Variants in DNAH5 observed in about 807,000 individuals in gnomAD.
DNAH5 encodes dynein axonemal heavy chain 5.
Under a neutral mutation model 518.2 loss-of-function variants are expected in DNAH5, and 372 were observed. The observed-to-expected ratio is 0.72, with a 90% CI of 0.66 to 0.78. DNAH5 has a LOEUF of 0.78. DNAH5 is among the 30% of genes least tolerant of loss of function. The pLI is 0.00. For synonymous variants in DNAH5, 2,039 were observed against 2,025.9 expected, an observed-to-expected ratio of 1.01 and a Z score of -0.17; for missense variants, 5,523 against 5,687.0, an observed-to-expected ratio of 0.97 and a Z score of 0.93.
chr5:13,737,199 T>C, intron 66 of DNAH5, 53 bp downstream of exon 66: 1 of 1,610,716 alleles, frequency 6.2e-7, no homozygotes, highest in Non-Finnish European at 8.5e-7. Context: ...CTAATTCTCA[T>C]TCCTCTCTCA....
At chr5:13,906,425 AAAAAGTCATTTTT>A (rs1775305638) in intron 12 of DNAH5, among the ~76,000 whole-genome samples, 1 of 152,186 alleles carries the variant, frequency 6.6e-6, no homozygotes, top group African/African-American at 2.4e-5. Flanking sequence ...ACTTCTCTTT[AAAAAGTCATTTTT>A]AAAAAATATT....
At chr5:13,849,086 G>A (rs567134985) in intron 31 of DNAH5, among the ~76,000 whole-genome samples, 2 of 152,302 alleles carry the variant, frequency 1.3e-5, no homozygotes, top group East Asian at 3.9e-4. Context: ...AAGTTTTAGG[G>A]TACATGTGCA....
chr5:13,820,442 A>G lies in DNAH5; in HGVS notation c.6745T>C (p.Phe2249Leu). The change falls in exon 41 of 79, where the codon TTC (phenylalanine) becomes CTC (leucine). Residue 2249 changes from phenylalanine to leucine, a missense_variant. Around this residue, in one of 3 missense-constraint regions of DNAH5, gnomAD observed 5,121 missense variants for 5,223.3 expected, o/e 0.98. Coordinates refer to ENST00000265104, the MANE Select transcript of DNAH5 (RefSeq NM_001369.3). ...CCATGTCGCACTCTCTGCGTTTCGA[A>G]TAGCTGGATGACCTTCAGTTTCCAA... ...PPWKLKVIQL[F>L]ETQRVRHGMM... 6.2e-7 allele frequency: 1 copy of G among 1,614,116 alleles called. No homozygotes were observed. Among genetic ancestry groups the G allele is most frequent in the Non-Finnish European group, 8.5e-7 (1 of 1,180,022 alleles).
chr5:13,856,225 G>C (rs1047073168), intron 30 of DNAH5, among the ~76,000 whole-genome samples: 1 of 152,092 alleles, frequency 6.6e-6, no homozygotes, highest in African/African-American at 2.4e-5. Context: ...TTTTTGAAAA[G>C]ATCAACAAAA....
chr5:13,977,773 G>A lies in DNAH5; in HGVS notation c.12+33875C>T, dbSNP rs535902456. Among the ~76,000 whole-genome samples, 3 of 152,324 alleles carry A rather than the reference G, an allele frequency of 2.0e-5. No individual in the cohort carries two copies. In the South Asian group the frequency reaches 6.2e-4, roughly 32 times the overall value. ...TACCTGGACACATCTGGACATGAGA[G>A]ATGAGCAGGGGAAGTCCTTGGTGGG... On this transcript the variant is annotated intron_variant, in intron 1 of 78. Coordinates refer to the DNAH5 transcript ENST00000681290.
At chr5:13,995,640 A>AT (rs1166423285) in intron 1 of DNAH5, among the ~76,000 whole-genome samples, 1 of 152,228 alleles carries the variant, frequency 6.6e-6, no homozygotes, top group Admixed American at 6.5e-5. Flanking sequence ...TTAAAAAAAA[A>AT]GTAGCAAAAT....
chr5:13,890,904 T>C (rs930468573), intron 17 of DNAH5, 72 bp downstream of exon 17: 2 of 1,575,108 alleles, frequency 1.3e-6, no homozygotes, highest in African/African-American at 2.7e-5. Context: ...ACTTATAACT[T>C]CAAAAAAGTG....
chr5:13,997,965 T>G (rs1784076626), intron 1 of DNAH5, among the ~76,000 whole-genome samples: 1 of 151,908 alleles, frequency 6.6e-6, no homozygotes, highest in Admixed American at 6.6e-5. Flanking sequence ...TGCCTCAGCC[T>G]CCCATGTAGC....
intron 55 of DNAH5, among the ~76,000 whole-genome samples, chr5:13,772,182 G>A (rs868643632): frequency 2.2e-4 from 33 of 152,082 alleles, no homozygotes; most frequent in African/African-American, 6.0e-4. Context: ...CAATGGCTGC[G>A]ATGTCTACCA....
chr5:13,810,170 C>T lies in DNAH5; in HGVS notation c.7498G>A (p.Gly2500Arg), dbSNP rs1273820025. 7.1e-6 allele frequency: 11 copies of T among 1,548,378 alleles called. No individual in the cohort carries two copies. Among genetic ancestry groups the T allele is most frequent in the East Asian group, 2.4e-5 (1 of 40,832 alleles). The change falls in exon 45 of 79, where the codon GGA becomes AGA. Residue 2500 changes from glycine (G) to arginine (R), a missense_variant. Gly to Arg is a moderately radical substitution (Grantham distance 125). Around this residue, in one of 3 missense-constraint regions of DNAH5, gnomAD observed 5,121 missense variants for 5,223.3 expected, o/e 0.98. Transcript: ENST00000265104. ...WSAGAALELD[G>R]RRRLELWLRS... ...AGCCAGAGCTCCAGGCGGCGCCGTC[C>T]GTCCAGCTCCAGCGCCGCCCCCGCG...
chr5:13,766,094 A>G lies in DNAH5; in HGVS notation c.9983T>C (p.Leu3328Pro). ...LIMRIMDCVLLLFQRKVSAVK... is the reference protein window; with the variant it reads ...LIMRIMDCVLPLFQRKVSAVK... Reference sequence around the variant, plus strand: ...AGCACTGACTTTCCTTTGAAACAGCAGCAGTACGCAATCCATGATCCGCAT... The same window carrying G: ...AGCACTGACTTTCCTTTGAAACAGCGGCAGTACGCAATCCATGATCCGCAT... Residue 3328 changes from leucine (L) to proline (P), a missense_variant, in exon 59 of 79, where the codon CTG (leucine) becomes CCG (proline). This residue lies in a region of DNAH5 where 5,121 missense variants were observed against 5,223.3 expected (regional missense o/e 0.98). Coordinates refer to ENST00000265104, the MANE Select transcript of DNAH5 (RefSeq NM_001369.3). The G allele has an allele frequency of 2.5e-6, 4 of 1,614,208 alleles. No individual in the cohort carries two copies. The highest frequency in any genetic ancestry group is 2.5e-6 in the Non-Finnish European group (3 of 1,180,016).
chr5:13,985,912 C>A (rs1034698624), intron 1 of DNAH5, among the ~76,000 whole-genome samples: 3 of 152,204 alleles, frequency 2.0e-5, no homozygotes, highest in Non-Finnish European at 4.4e-5. Context: ...TTCAGTGAAG[C>A]GTCTGCTCCA....
chr5:13,764,749 C>A (rs1031591423), intron 59 of DNAH5, among the ~76,000 whole-genome samples: 1 of 152,164 alleles, frequency 6.6e-6, no homozygotes, highest in Non-Finnish European at 1.5e-5. Flanking sequence ...ATATTCACAG[C>A]AGCTTGATTT....
chr5:13,919,572 T>G (rs1432598242), intron 6 of DNAH5, among the ~76,000 whole-genome samples: 1 of 152,252 alleles, frequency 6.6e-6, no homozygotes, highest in African/African-American at 2.4e-5. Flanking sequence ...AAACAACTTA[T>G]GCTTTCCTCT....
chr5:13,944,789 T>C (rs991970312), upstream of DNAH5, among the ~76,000 whole-genome samples: 1 of 152,204 alleles, frequency 6.6e-6, no homozygotes, highest in Admixed American at 6.5e-5. Context: ...ACACAACTCC[T>C]TCTGTTGTTC....
At chr5:13,997,896 T>A (rs891342968) in intron 1 of DNAH5, among the ~76,000 whole-genome samples, 1 of 151,146 alleles carries the variant, frequency 6.6e-6, no homozygotes, top group African/African-American at 2.4e-5. Flanking sequence ...CAGGTTGGAG[T>A]GCCATGGCGT....
chr5:13,789,868 G>A (rs1159054907), intron 50 of DNAH5, among the ~76,000 whole-genome samples: 1 of 152,128 alleles, frequency 6.6e-6, no homozygotes, highest in Non-Finnish European at 1.5e-5. Flanking sequence ...CTGCAGGAAG[G>A]AAAGTGAGTT....
chr5:13,894,583 T>G, intron 16 of DNAH5, 67 bp downstream of exon 16: 1 of 1,521,030 alleles, frequency 6.6e-7, no homozygotes, highest in Non-Finnish European at 9.1e-7. Context: ...TGATAAGAAA[T>G]TATTCAACAG....
At chr5:13,735,439 A>G in intron 67 of DNAH5, 118 bp from the exon 68 acceptor site, 1 of 948,958 alleles carries the variant, frequency 1.1e-6, no homozygotes, top group South Asian at 1.5e-5. Flanking sequence ...ATTTTTACAC[A>G]TCAAGAGAAA....
Sources: gnomAD v4.1 joint callset for allele counts (sites outside exome capture counted in the v4.1 genomes callset) on GRCh38, gnomAD v4.1.1 for gene constraint, gnomAD v4.1.1 regional missense constraint, MANE v1.5 for transcripts, NCBI Gene and HGNC (gene_info 2026-07-23, HGNC 2026-07-21) for gene names.